NFATC2: variants seen among roughly 807,000 people sequenced by gnomAD.
NFATC2 encodes the protein nuclear factor of activated T cells 2.
NFATC2 carries 22 observed loss-of-function variants against 87.3 expected under a neutral mutation model. That is an observed-to-expected ratio of 0.25 (90% CI 0.18 to 0.36). The LOEUF is 0.36. NFATC2 is among the 10% of genes least tolerant of loss of function. The pLI, the probability that NFATC2 is intolerant of heterozygous loss-of-function variation, is 1.00. For synonymous variants in NFATC2, 565 were observed against 542.2 expected, an observed-to-expected ratio of 1.04 and a Z score of -0.58; for missense variants, 1,149 against 1,259.1, an observed-to-expected ratio of 0.91 and a Z score of 1.32.
chr20:51,542,349 C>G, intron 1 of NFATC2, 21 bp downstream of exon 1: 1 of 1,601,814 alleles, frequency 6.2e-7, no homozygotes, highest in Non-Finnish European at 8.5e-7. Context: ...AGGGGCCAGG[C>G]CAGGGGTAGC....
intron 6 of NFATC2, among the ~76,000 whole-genome samples, chr20:51,454,016 C>CA (rs1294273379): frequency 6.6e-6 from 1 of 152,088 alleles, no homozygotes; most frequent in African/African-American, 2.4e-5. Context: ...TACAAGTAGC[C>CA]AATATTAATT....
chr20:51,455,720 G>GTGGGTGGA (rs1318253702), intron 5 of NFATC2, among the ~76,000 whole-genome samples: 1 of 31,856 alleles, frequency 3.1e-5, no homozygotes, highest in Non-Finnish European at 6.3e-5. Context: ...TGGTGGGTGG[G>GTGGGTGGA]TGGGTGGATG....
At chr20:51,495,308 G>A (rs1473781217) in intron 3 of NFATC2, among the ~76,000 whole-genome samples, 3 of 152,148 alleles carry the variant, frequency 2.0e-5, no homozygotes, top group African/African-American at 7.2e-5. Flanking sequence ...GGCTGGTCTT[G>A]AACTCCTGGG....
chr20:51,498,577 C>G (rs2076028134), intron 3 of NFATC2, among the ~76,000 whole-genome samples: 1 of 152,010 alleles, frequency 6.6e-6, no homozygotes, highest in Non-Finnish European at 1.5e-5. Flanking sequence ...GCAGGCAGAT[C>G]ACTTGAGGCC....
At chr20:51,515,952 A>T (rs553136521) in intron 3 of NFATC2, among the ~76,000 whole-genome samples, 9 of 152,332 alleles carry the variant, frequency 5.9e-5, no homozygotes, top group African/African-American at 1.9e-4. Context: ...TATTAATAGG[A>T]TACTTCTACT....
chr20:51,416,432 A>T (rs1980048341), intron 9 of NFATC2, among the ~76,000 whole-genome samples: 1 of 151,956 alleles, frequency 6.6e-6, no homozygotes, highest in African/African-American at 2.4e-5. Context: ...CTGGCTTCTC[A>T]CTCTGTCTGG....
At chr20:51,400,666 A>G (rs1023787563) in intron 9 of NFATC2, among the ~76,000 whole-genome samples, 2 of 152,186 alleles carry the variant, frequency 1.3e-5, no homozygotes, top group South Asian at 2.1e-4. Flanking sequence ...TCTTCATTCA[A>G]CTGAGGCCCG....
At chr20:51,462,613 C>T (rs914096643) in intron 5 of NFATC2, among the ~76,000 whole-genome samples, 1 of 152,128 alleles carries the variant, frequency 6.6e-6, no homozygotes, top group Non-Finnish European at 1.5e-5. Flanking sequence ...GAGCAAGACA[C>T]TTAATTTCTT....
chr20:51,444,629 C>T (rs1050144816), intron 6 of NFATC2, among the ~76,000 whole-genome samples: 13 of 152,116 alleles, frequency 8.5e-5, no homozygotes, highest in Non-Finnish European at 1.2e-4. Flanking sequence ...GGGCTCGAGG[C>T]GAATGGGGAG....
chr20:51,422,966 A>G, intron 9 of NFATC2, among the ~76,000 whole-genome samples: 1 of 151,548 alleles, frequency 6.6e-6, no homozygotes, highest in Admixed American at 6.8e-5. Context: ...TAGCGCTGAT[A>G]TTAGAAAGTT....
intron 6 of NFATC2, among the ~76,000 whole-genome samples, chr20:51,439,035 A>G (rs1049036391): frequency 6.6e-6 from 1 of 152,158 alleles, no homozygotes. Context: ...TGTGGGTGGG[A>G]CCCTTGTAGG....
At chr20:51,548,622 AC>A (rs1045707049) in intron 1 of NFATC2, among the ~76,000 whole-genome samples, 1 of 152,232 alleles carries the variant, frequency 6.6e-6, no homozygotes, top group Non-Finnish European at 1.5e-5. Context: ...TTCATTGTTT[AC>A]CTGAAATTCA....
chr20:51,409,431 A>G (rs533173434), intron 9 of NFATC2, among the ~76,000 whole-genome samples: 1 of 152,370 alleles, frequency 6.6e-6, no homozygotes, highest in African/African-American at 2.4e-5. Context: ...AGCAAAGACA[A>G]TGAGTGAAAT....
At chr20:51,496,946 C>T (rs1261002357) in intron 3 of NFATC2, among the ~76,000 whole-genome samples, 1 of 152,196 alleles carries the variant, frequency 6.6e-6, no homozygotes, top group East Asian at 1.9e-4. Context: ...TCCTGGCTGC[C>T]GCGACAGCCC....
At chr20:51,422,027 T>C (rs1015317735) in intron 9 of NFATC2, among the ~76,000 whole-genome samples, 18 of 152,230 alleles carry the variant, frequency 1.2e-4, no homozygotes, top group Non-Finnish European at 1.9e-4. Flanking sequence ...CATCAGCTTA[T>C]GCAACAGAAC....
chr20:51,552,233 T>A (rs1355792188), intron 1 of NFATC2, among the ~76,000 whole-genome samples: 3 of 151,752 alleles, frequency 2.0e-5, no homozygotes, highest in Non-Finnish European at 4.4e-5. Context: ...GCCGTGTTCG[T>A]GCCACTGCAC....
At position 51,432,112 on chromosome 20, in the gene NFATC2, T is replaced by TC; in HGVS notation, c.2676dup (p.Thr893AspfsTer3). ...TCCAAGTTCTGCTCCTGTTTAATGG[T>TC]CACCCCCGCAGGTAATACTTCCTTT... On this transcript the variant is annotated frameshift_variant, in exon 9 of 11. Coordinates refer to ENST00000371564, the MANE Select transcript of NFATC2 (RefSeq NM_012340.5). LOFTEE classifies it high-confidence loss of function. This position sits in a 1 kb window ranked among gnomAD's most constrained non-coding sequence, Gnocchi z 4.6. The TC allele has an allele frequency of 6.4e-7, 1 of 1,550,984 alleles. No individual in the cohort carries two copies. The highest frequency in any genetic ancestry group is 8.7e-7 in the Non-Finnish European group (1 of 1,145,308).
chr20:51,497,129 C>G (rs922625695), intron 3 of NFATC2, among the ~76,000 whole-genome samples: 42 of 152,200 alleles, frequency 2.8e-4, no homozygotes, highest in Non-Finnish European at 1.5e-4. Flanking sequence ...GACTAGCACC[C>G]AGGTTACTAA....
intron 3 of NFATC2, among the ~76,000 whole-genome samples, chr20:51,476,461 G>A (rs982736358): frequency 1.3e-5 from 2 of 152,126 alleles, no homozygotes; most frequent in Non-Finnish European, 2.9e-5. Context: ...AATGCCTATA[G>A]TGAGTAAGTA....
Sources: allele counts gnomAD v4.1 joint callset (sites outside exome capture counted in the v4.1 genomes callset), GRCh38; gene constraint gnomAD v4.1.1; non-coding constraint Gnocchi (gnomAD v3.1); transcripts MANE v1.5; gene names NCBI Gene and HGNC (gene_info 2026-07-23, HGNC 2026-07-21).